The following CEP85L variants were observed in gnomAD, a reference collection of about 807,000 sequenced individuals.
CEP85L encodes the protein centrosomal protein 85L.
CEP85L carries 60 observed loss-of-function variants against 100.3 expected under a neutral mutation model. The observed-to-expected ratio is 0.60, with a 90% CI of 0.49 to 0.74. CEP85L has a LOEUF of 0.74. Ranked by LOEUF, CEP85L falls within the 30% of genes least tolerant of loss-of-function variation. CEP85L has a pLI of 0.00. For synonymous variants in CEP85L, 319 were observed against 322.7 expected (o/e 0.99, Z 0.12); for missense variants, 973 against 936.2 (o/e 1.04, Z -0.51).
intron 2 of CEP85L, among the ~76,000 whole-genome samples, chr6:118,599,384 C>A (rs1781609739): frequency 6.6e-6 from 1 of 152,042 alleles, no homozygotes; most frequent in Non-Finnish European, 1.5e-5. Context: ...AATATTATTA[C>A]TAAGTCATAA....
chr6:118,482,227 C>T (rs1394736117), intron 7 of CEP85L, among the ~76,000 whole-genome samples: 1 of 152,014 alleles, frequency 6.6e-6, no homozygotes, highest in Non-Finnish European at 1.5e-5. Context: ...AAATATATAA[C>T]TCTATACTGT....
chr6:118,504,329 C>T (rs1277072574), intron 5 of CEP85L, among the ~76,000 whole-genome samples: 1 of 151,646 alleles, frequency 6.6e-6, no homozygotes, highest in Non-Finnish European at 1.5e-5. Flanking sequence ...GAGCCGAAAC[C>T]GCATCACTGC....
intron 6 of CEP85L, 77 bp downstream of exon 6, chr6:118,491,609 C>A: frequency 6.5e-7 from 1 of 1,534,374 alleles, no homozygotes; most frequent in Non-Finnish European, 8.8e-7. Context: ...TGACACCTGA[C>A]AGGGTAAATG....
At position 118,493,584 on chromosome 6, in the gene CEP85L, G is replaced by A. The variant is rs12213660; in HGVS notation, c.1258-1719C>T. Among the ~76,000 whole-genome samples the A allele has an allele frequency of 4.2e-3, 637 of 152,266 alleles. 2 individuals carry two copies. The highest frequency in any genetic ancestry group is 8.7e-3 in the South Asian group (42 of 4,828). On this transcript the variant is annotated intron_variant, in intron 5 of 12. Transcript: ENST00000368491. The stretch of plus-strand genomic sequence containing the variant: ...AAACAAGGAGCTGATATAGAGCATG[G>A]AGAACAGAATGAAGAAACTGGAAGC...
At chr6:118,587,843 T>C (rs1583114617) in intron 2 of CEP85L, among the ~76,000 whole-genome samples, 1 of 152,196 alleles carries the variant, frequency 6.6e-6, no homozygotes, top group Non-Finnish European at 1.5e-5. Flanking sequence ...ACCCTAAATA[T>C]GGTTATCTTT....
chr6:118,617,916 A>C (rs1288255205), intron 2 of CEP85L, among the ~76,000 whole-genome samples: 1 of 152,148 alleles, frequency 6.6e-6, no homozygotes, highest in Non-Finnish European at 1.5e-5. Context: ...TCGGAGGCTA[A>C]ACACTGGGCA....
intron 1 of CEP85L, among the ~76,000 whole-genome samples, chr6:118,661,302 G>A (rs1230334708): frequency 6.6e-6 from 1 of 152,092 alleles, no homozygotes; most frequent in Non-Finnish European, 1.5e-5. Context: ...AACAAAATTG[G>A]TATTTATACA....
intron 2 of CEP85L, among the ~76,000 whole-genome samples, chr6:118,619,173 G>A (rs1017747386): frequency 2.6e-5 from 4 of 151,996 alleles, no homozygotes; most frequent in East Asian, 1.9e-4. Context: ...TGGGCACCAC[G>A]CCTTCAAAAC....
intron 3 of CEP85L, chr6:118,559,115 A>C: frequency 6.5e-7 from 1 of 1,540,694 alleles, no homozygotes; most frequent in Non-Finnish European, 9.0e-7. Flanking sequence ...GCAGCTTGCC[A>C]CATCAGCTTA....
chr6:118,667,957 A>C lies in CEP85L; in HGVS notation c.-27-15149T>G, dbSNP rs576979770. ...TATATGATTAAGTGCTACATAATCT[A>C]CTATGTTCCTCATAATAATCCATGA... On this transcript the variant is annotated intron_variant, in intron 1 of 13. Transcript: ENST00000368488. Among the ~76,000 whole-genome samples the C allele has an allele frequency of 1.2e-4, 18 of 152,350 alleles. No individual in the cohort carries two copies. The South Asian group carries it at 3.7e-3, about 32-fold the overall frequency.
intron 1 of CEP85L, among the ~76,000 whole-genome samples, chr6:118,691,121 A>C (rs1777028039): frequency 6.6e-6 from 1 of 152,238 alleles, no homozygotes; most frequent in South Asian, 2.1e-4. Context: ...GTCTCTGTCA[A>C]ATGACAAAGG....
chr6:118,565,930 T>C lies in CEP85L; in HGVS notation c.619A>G (p.Ser207Gly), dbSNP rs764537059. 4.3e-6 allele frequency: 7 copies of C among 1,614,224 alleles called. No individual in the cohort carries two copies. In the South Asian group the frequency reaches 4.4e-5, roughly 10 times the overall value. Residue 207 changes from serine (S) to glycine (G), a missense_variant, in exon 3 of 13, where the codon AGT (serine) becomes GGT (glycine). By Grantham distance (56) the Ser-to-Gly change is moderately conservative. Coordinates refer to ENST00000368491, the MANE Select transcript of CEP85L (RefSeq NM_001042475.3). ...RTIGPSCLHD[S>G]MEMLRLEDKE... is the part of the protein sequence containing the mutation. ...TCCTCTAACCTAAGCATCTCCATAC[T>C]ATCATGTAAACAGCTAGGCCCAATT...
chr6:118,574,166 A>G (rs1780076072), intron 2 of CEP85L: 1 of 152,248 alleles, frequency 6.6e-6, no homozygotes, highest in African/African-American at 2.4e-5. Flanking sequence ...CAGCCCAGAC[A>G]TGTCCAGACA....
chr6:118,677,667 T>C (rs911195668), intron 1 of CEP85L, among the ~76,000 whole-genome samples: 6 of 152,188 alleles, frequency 3.9e-5, no homozygotes, highest in African/African-American at 1.2e-4. Context: ...AGTGAACTTA[T>C]CATATTCATT....
At chr6:118,542,923 A>AAAAAAAAAAAAAAAAAAAG (rs1554216838) in intron 3 of CEP85L, among the ~76,000 whole-genome samples, 1 of 143,932 alleles carries the variant, frequency 6.9e-6, no homozygotes, top group Non-Finnish European at 1.5e-5. Flanking sequence ...AAAAAAAAAA[A>AAAAAAAAAAAAAAAAAAAG]CAGGATATTC....
At chr6:118,524,426 A>G (rs1406750996) in intron 3 of CEP85L, among the ~76,000 whole-genome samples, 1 of 151,976 alleles carries the variant, frequency 6.6e-6, no homozygotes, top group East Asian at 1.9e-4. Flanking sequence ...CCTGGGTGAC[A>G]GAGCAAGACT....
chr6:118,656,797 A>C (rs1438891124), upstream of CEP85L: 2 of 152,166 alleles, frequency 1.3e-5, no homozygotes, highest in African/African-American at 2.4e-5. Flanking sequence ...AGCTATTTTA[A>C]AATATAACAA....
At chr6:118,572,603 C>T (rs1392132611) in intron 2 of CEP85L, among the ~76,000 whole-genome samples, 1 of 151,838 alleles carries the variant, frequency 6.6e-6, no homozygotes, top group Non-Finnish European at 1.5e-5. Context: ...ATAAATATTT[C>T]AAAGTATTCT....
At chr6:118,599,678 C>G (rs576894457) in intron 2 of CEP85L, among the ~76,000 whole-genome samples, 4 of 152,062 alleles carry the variant, frequency 2.6e-5, no homozygotes, top group African/African-American at 9.7e-5. Flanking sequence ...ATATCTTAAA[C>G]AAGCGACCAA....
Sources: gnomAD v4.1 joint callset for allele counts (sites outside exome capture counted in the v4.1 genomes callset) on GRCh38, gnomAD v4.1.1 for gene constraint, MANE v1.5 for transcripts, NCBI Gene and HGNC (gene_info 2026-07-23, HGNC 2026-07-21) for gene names.